The following DTNBP1 variants were observed in gnomAD, a reference collection of about 807,000 sequenced individuals.
DTNBP1 encodes dystrobrevin binding protein 1.
Under a neutral mutation model 42.8 loss-of-function variants are expected in DTNBP1, and 35 were observed. That is an observed-to-expected ratio of 0.82 (90% CI 0.63 to 1.09). DTNBP1 has a LOEUF of 1.09. Among genes scored for constraint, DTNBP1 ranks in the 50% least tolerant of loss-of-function variants. The probability of loss-of-function intolerance (pLI) is 0.00; values close to 1 mark genes in which losing one functional copy is unlikely to be tolerated. For missense variants in DTNBP1, 457 were observed against 424.2 expected (o/e 1.08, Z -0.68); for synonymous variants, 171 against 162.2 (o/e 1.05, Z -0.41).
intron 7 of DTNBP1, among the ~76,000 whole-genome samples, chr6:15,556,511 C>G (rs1358660204): frequency 6.6e-6 from 1 of 152,148 alleles, no homozygotes; most frequent in Non-Finnish European, 1.5e-5. Flanking sequence ...GCCTTGTGCT[C>G]TTTGCTGTTG....
At chr6:15,623,503 G>A (rs537985731) in intron 5 of DTNBP1, among the ~76,000 whole-genome samples, 8 of 152,128 alleles carry the variant, frequency 5.3e-5, no homozygotes, top group Non-Finnish European at 7.4e-5. Context: ...AGTGAGCTAT[G>A]ATCACATCAC....
intron 7 of DTNBP1, 124 bp downstream of exon 7, chr6:15,592,935 T>C (rs564917777): frequency 1.0e-3 from 997 of 992,306 alleles, no homozygotes; most frequent in Admixed American, 1.4e-3. Context: ...CAAAAAACAG[T>C]ATTAAGTTTT....
chr6:15,655,125 T>C (rs966421532), intron 1 of DTNBP1, among the ~76,000 whole-genome samples: 4 of 152,132 alleles, frequency 2.6e-5, no homozygotes, highest in Non-Finnish European at 4.4e-5. Context: ...CTTTGTAAAA[T>C]ACAATTTTTT....
chr6:15,548,643 C>G (rs959199748), intron 7 of DTNBP1, among the ~76,000 whole-genome samples: 63 of 152,242 alleles, frequency 4.1e-4, no homozygotes, highest in Middle Eastern at 3.4e-3. Context: ...TAAGACAATT[C>G]TCATTTCTAT....
chr6:15,607,035 G>C (rs1286943805), intron 6 of DTNBP1, among the ~76,000 whole-genome samples: 1 of 139,172 alleles, frequency 7.2e-6, no homozygotes, highest in Non-Finnish European at 1.5e-5. Context: ...TTTTGAGACA[G>C]AGTCTCACTC....
At chr6:15,628,223 G>A (rs973160648) in intron 4 of DTNBP1, among the ~76,000 whole-genome samples, 7 of 152,052 alleles carry the variant, frequency 4.6e-5, no homozygotes, top group Admixed American at 3.9e-4. Flanking sequence ...GAAAGACTTA[G>A]AAGGAGCAAG....
chr6:15,628,398 CTTTTT>C (rs70996561), intron 4 of DTNBP1, among the ~76,000 whole-genome samples: 6 of 77,060 alleles, frequency 7.8e-5, no homozygotes, highest in African/African-American at 1.1e-4. Flanking sequence ...GATTAAGGTT[CTTTTT>C]TTTTTTTTTT....
intron 7 of DTNBP1, among the ~76,000 whole-genome samples, chr6:15,567,444 TTC>T (rs1030463801): frequency 6.9e-6 from 1 of 144,634 alleles, no homozygotes; most frequent in African/African-American, 2.6e-5. Context: ...CACAGCCAGA[TTC>T]TGTCTCTCGG....
chr6:15,647,512 T>C (rs1030434246), intron 3 of DTNBP1, among the ~76,000 whole-genome samples: 2 of 150,818 alleles, frequency 1.3e-5, no homozygotes, highest in Non-Finnish European at 3.0e-5. Context: ...TGATTGAAGA[T>C]AAACCAATTT....
intron 7 of DTNBP1, among the ~76,000 whole-genome samples, chr6:15,591,563 A>T (rs1776299674): frequency 6.6e-6 from 1 of 152,178 alleles, no homozygotes; most frequent in Non-Finnish European, 1.5e-5. Context: ...TGTGCTGTTA[A>T]TTGTACATAA....
intron 7 of DTNBP1, among the ~76,000 whole-genome samples, chr6:15,583,535 G>T (rs963341110): frequency 6.6e-6 from 1 of 152,184 alleles, no homozygotes; most frequent in African/African-American, 2.4e-5. Flanking sequence ...AAAAAGCTAA[G>T]ACAAAATCAT....
intron 7 of DTNBP1, among the ~76,000 whole-genome samples, chr6:15,537,613 G>A (rs1279174194): frequency 2.0e-5 from 3 of 152,100 alleles, no homozygotes; most frequent in East Asian, 1.9e-4. Flanking sequence ...TAATCCCTAC[G>A]CTGAGGAAGG....
intron 7 of DTNBP1, among the ~76,000 whole-genome samples, chr6:15,572,930 C>T (rs1277661194): frequency 6.6e-6 from 1 of 152,214 alleles, no homozygotes; most frequent in Non-Finnish European, 1.5e-5. Context: ...CGAGGTCTCA[C>T]TCTGTTGCCC....
chr6:15,524,236 A>G (rs1192733496), intron 9 of DTNBP1: 20 of 1,566,474 alleles, frequency 1.3e-5, no homozygotes, highest in East Asian at 2.4e-5. Context: ...AGCAGACTCA[A>G]ATGGATTTCT....
intron 6 of DTNBP1, among the ~76,000 whole-genome samples, chr6:15,594,144 C>T (rs940710389): frequency 5.9e-5 from 9 of 152,140 alleles, no homozygotes; most frequent in Middle Eastern, 3.2e-3. Context: ...ATAAACTATG[C>T]AAGAATTTTC....
chr6:15,559,314 T>C (rs1264196459), intron 7 of DTNBP1, among the ~76,000 whole-genome samples: 1 of 152,066 alleles, frequency 6.6e-6, no homozygotes, highest in Non-Finnish European at 1.5e-5. Context: ...TTGAAGCAAA[T>C]TGGAAGGGTA....
In DTNBP1 at chr6:15,662,813, C is replaced by A; in HGVS notation, c.56+1G>T. 3 of 1,611,982 alleles carry A rather than the reference C, an allele frequency of 1.9e-6. No homozygotes were observed. Among genetic ancestry groups the A allele is most frequent in the African/African-American group, 1.3e-5 (1 of 75,010 alleles). ...CTTTTCGTCGCCCACCGTATACCCA[C>A]CCGGAGGTGAAATCCTGCTGCACGC... On this transcript the variant is annotated splice_donor_variant, in intron 1 of 9. Coordinates refer to ENST00000344537, the MANE Select transcript of DTNBP1 (RefSeq NM_032122.5). LOFTEE classifies it high-confidence loss of function.
intron 7 of DTNBP1, among the ~76,000 whole-genome samples, chr6:15,569,151 C>T (rs1007264327): frequency 7.2e-5 from 11 of 152,224 alleles, no homozygotes; most frequent in African/African-American, 1.9e-4. Flanking sequence ...GCACTAGACA[C>T]TGACCATCTG....
At chr6:15,615,513 A>G in intron 5 of DTNBP1, 114 bp from the exon 6 acceptor site, 1 of 1,398,920 alleles carries the variant, frequency 7.1e-7, no homozygotes, top group South Asian at 1.2e-5. Context: ...TTGCATTTTT[A>G]ATGTTTTTTA....
Sources: allele counts gnomAD v4.1 joint callset (sites outside exome capture counted in the v4.1 genomes callset), GRCh38; gene constraint gnomAD v4.1.1; transcripts MANE v1.5; gene names NCBI Gene and HGNC (gene_info 2026-07-23, HGNC 2026-07-21).